The following TLK1 variants were observed in gnomAD, a reference collection of about 807,000 sequenced individuals.
TLK1 encodes tousled like kinase 1, also known as serine/threonine-protein kinase tousled-like 1.
Under a neutral mutation model 105.3 loss-of-function variants are expected in TLK1, and 24 were observed. The observed-to-expected ratio is 0.23, with a 90% confidence interval of 0.17 to 0.32. The LOEUF is 0.32. Ranked by LOEUF, TLK1 falls within the 10% of genes least tolerant of loss-of-function variation. TLK1 has a pLI of 1.00. For missense variants in TLK1, 558 were observed against 910.5 expected (o/e 0.61, Z 4.98); for synonymous variants, 321 against 310.4 (o/e 1.03, Z -0.36).
chr2:171,159,210 G>A (rs1220955190), intron 1 of TLK1, among the ~76,000 whole-genome samples: 1 of 152,154 alleles, frequency 6.6e-6, no homozygotes, highest in Non-Finnish European at 1.5e-5. Flanking sequence ...ATTTGAAAAT[G>A]TGCCTATCTC....
At chr2:171,123,484 T>G (rs575518315) in intron 1 of TLK1, among the ~76,000 whole-genome samples, 186 of 152,266 alleles carry the variant, frequency 1.2e-3, no homozygotes, top group African/African-American at 4.2e-3. Flanking sequence ...ATTACAGGCA[T>G]GAGCCACCAC....
chr2:171,080,435 G>T (rs559117451), intron 3 of TLK1, among the ~76,000 whole-genome samples: 132 of 148,238 alleles, frequency 8.9e-4, no homozygotes, highest in African/African-American at 3.2e-3. Context: ...TCTGTATTTT[G>T]ATATATATAA....
At chr2:171,058,271 A>G (rs1012891380) in intron 4 of TLK1, 74 bp from the exon 5 acceptor site, 4 of 1,295,130 alleles carry the variant, frequency 3.1e-6, no homozygotes, top group Non-Finnish European at 4.4e-6. Context: ...TCCGCAGGAC[A>G]TCAGCTATCA....
chr2:171,159,255 T>C (rs1022418217), intron 1 of TLK1, among the ~76,000 whole-genome samples: 1 of 152,236 alleles, frequency 6.6e-6, no homozygotes, highest in Non-Finnish European at 1.5e-5. Context: ...ACAGCCCGTC[T>C]ACCAATTGCG....
chr2:171,133,914 C>G (rs1186616085), intron 1 of TLK1, among the ~76,000 whole-genome samples: 2 of 152,082 alleles, frequency 1.3e-5, no homozygotes, highest in Non-Finnish European at 2.9e-5. Context: ...CAGCTAACTG[C>G]AGCCTCACTC....
At chr2:171,230,742 A>C (rs760688773) in intron 1 of TLK1, among the ~76,000 whole-genome samples, 6 of 152,192 alleles carry the variant, frequency 3.9e-5, no homozygotes, top group Non-Finnish European at 5.9e-5. Context: ...CAGTTACATA[A>C]TCATTCTGGA....
chr2:171,065,699 G>T (rs753590256), intron 3 of TLK1, among the ~76,000 whole-genome samples: 2 of 151,980 alleles, frequency 1.3e-5, no homozygotes, highest in African/African-American at 4.8e-5. Flanking sequence ...CACTATGCCC[G>T]GCTAATTTTT....
chr2:171,117,017 T>C (rs1690461613), intron 2 of TLK1, among the ~76,000 whole-genome samples: 1 of 152,138 alleles, frequency 6.6e-6, no homozygotes, highest in South Asian at 2.1e-4. Flanking sequence ...AGGTAGACAA[T>C]CTGGGTCTAT....
At chr2:171,159,316 C>T (rs1265072571) in intron 1 of TLK1, among the ~76,000 whole-genome samples, 1 of 152,172 alleles carries the variant, frequency 6.6e-6, no homozygotes, top group Non-Finnish European at 1.5e-5. Context: ...AAAGACATTC[C>T]ATGCACATTT....
chr2:171,101,188 A>G (rs1446343335), intron 2 of TLK1, among the ~76,000 whole-genome samples: 2 of 152,082 alleles, frequency 1.3e-5, no homozygotes, highest in East Asian at 3.9e-4. Context: ...TCTACTAAAA[A>G]TACAAAAATT....
At chr2:171,207,601 G>A (rs941010275) in intron 1 of TLK1, among the ~76,000 whole-genome samples, 1 of 152,174 alleles carries the variant, frequency 6.6e-6, no homozygotes, top group African/African-American at 2.4e-5. Context: ...AGTAGGGGAG[G>A]TTGGGCATGT....
At chr2:171,142,693 T>C (rs1691630449) in intron 1 of TLK1, among the ~76,000 whole-genome samples, 1 of 152,200 alleles carries the variant, frequency 6.6e-6, no homozygotes, top group Non-Finnish European at 1.5e-5. Context: ...CAAACCTTTG[T>C]CTGAATAGGA....
At chr2:171,020,829 TG>T (rs1685463478) in intron 12 of TLK1, among the ~76,000 whole-genome samples, 2 of 145,270 alleles carry the variant, frequency 1.4e-5, no homozygotes, top group Non-Finnish European at 3.1e-5. Context: ...TTGTGTAGAT[TG>T]GGGAGAAGGG....
Position 171,062,567 on chromosome 2 carries a change from C to G in TLK1, c.331-1411G>C, listed in dbSNP as rs187290871. 9.2e-4 allele frequency among the ~76,000 whole-genome samples: 140 copies of G among 152,286 alleles called. 1 individual carries two copies. Among genetic ancestry groups the G allele is most frequent in the Middle Eastern group, 3.4e-3 (1 of 294 alleles). On this transcript the variant is annotated intron_variant, in intron 3 of 20. Transcript: ENST00000431350. ...TAAATACAGATGTTACATCTTCTCC[C>G]TATCTCACCCTCTTACCCCACCCCT...
At chr2:171,036,390 C>A (rs1042320980) in intron 11 of TLK1, among the ~76,000 whole-genome samples, 1 of 151,824 alleles carries the variant, frequency 6.6e-6, no homozygotes, top group South Asian at 2.1e-4. Flanking sequence ...CTCTGTCTCC[C>A]CCCCCAAAAA....
chr2:171,067,965 G>A (rs1355901898), intron 3 of TLK1, among the ~76,000 whole-genome samples: 9 of 152,018 alleles, frequency 5.9e-5, no homozygotes, highest in Non-Finnish European at 1.3e-4. Flanking sequence ...CCTTTTTTAT[G>A]GCTGCATAGT....
At chr2:171,037,306 T>C (rs958462307) in intron 11 of TLK1, among the ~76,000 whole-genome samples, 2 of 151,844 alleles carry the variant, frequency 1.3e-5, no homozygotes, top group Non-Finnish European at 2.9e-5. Flanking sequence ...CCAGGCATAG[T>C]GGCGCATGGC....
At chr2:171,204,116 C>T (rs920705952) in intron 1 of TLK1, among the ~76,000 whole-genome samples, 3 of 151,978 alleles carry the variant, frequency 2.0e-5, no homozygotes, top group African/African-American at 4.8e-5. Flanking sequence ...TTTAAGTAAG[C>T]ATTTTGTATA....
intron 11 of TLK1, among the ~76,000 whole-genome samples, chr2:171,028,636 T>C (rs1275290462): frequency 6.6e-6 from 1 of 152,166 alleles, no homozygotes; most frequent in Non-Finnish European, 1.5e-5. Context: ...CAAAAATCCT[T>C]TGAGATATTC....
Sources: gnomAD v4.1 joint callset for allele counts (sites outside exome capture counted in the v4.1 genomes callset) on GRCh38, gnomAD v4.1.1 for gene constraint, MANE v1.5 for transcripts, NCBI Gene and HGNC (gene_info 2026-07-23, HGNC 2026-07-21) for gene names.